Variants in LYPD6 observed in about 807,000 individuals in gnomAD.
LYPD6 encodes ly6/PLAUR domain-containing protein 6.
Under a neutral mutation model 22.7 loss-of-function variants are expected in LYPD6, and 15 were observed. The observed-to-expected ratio is 0.66, with a 90% CI of 0.44 to 1.02. The LOEUF (loss-of-function observed/expected upper bound fraction) is 1.02, where lower values mean the gene tolerates loss of function less well. Ranked by LOEUF, LYPD6 falls within the 50% of genes least tolerant of loss-of-function variation. LYPD6 has a pLI of 0.00. For missense variants in LYPD6, 189 were observed against 208.4 expected (o/e 0.91, Z 0.57); for synonymous variants, 72 against 77.5 (o/e 0.93, Z 0.37).
chr2:149,360,168 T>G (rs1573740466), intron 1 of LYPD6, among the ~76,000 whole-genome samples: 1 of 152,300 alleles, frequency 6.6e-6, no homozygotes, highest in South Asian at 2.1e-4. Flanking sequence ...TGCTAATACA[T>G]TATAATTAGT....
chr2:149,381,414 T>C (rs554270946), intron 1 of LYPD6, among the ~76,000 whole-genome samples: 1 of 152,206 alleles, frequency 6.6e-6, no homozygotes, highest in Admixed American at 6.5e-5. Flanking sequence ...GTTTTAGGAA[T>C]ATAGTTCATC....
At chr2:149,436,776 T>C (rs2105149015) in intron 1 of LYPD6, among the ~76,000 whole-genome samples, 1 of 152,284 alleles carries the variant, frequency 6.6e-6, no homozygotes, top group South Asian at 2.1e-4. Context: ...AGAGACAGGG[T>C]TTCACTGTAT....
chr2:149,337,716 A>G (rs1681066391), intron 1 of LYPD6, among the ~76,000 whole-genome samples: 1 of 152,184 alleles, frequency 6.6e-6, no homozygotes, highest in South Asian at 2.1e-4. Flanking sequence ...GATTTGGTGT[A>G]CAGATTATTT....
At chr2:149,388,188 T>C (rs901295850) in intron 1 of LYPD6, among the ~76,000 whole-genome samples, 1 of 151,860 alleles carries the variant, frequency 6.6e-6, no homozygotes, top group African/African-American at 2.4e-5. Flanking sequence ...CTCTTTTTTT[T>C]TTTTTTGGTC....
intron 1 of LYPD6, among the ~76,000 whole-genome samples, chr2:149,361,895 G>T (rs1681577424): frequency 6.6e-6 from 1 of 152,092 alleles, no homozygotes; most frequent in South Asian, 2.1e-4. Context: ...GAGGGTTGGG[G>T]CAGAGAAGAT....
chr2:149,396,198 G>T (rs1391401404), intron 1 of LYPD6, among the ~76,000 whole-genome samples: 1 of 151,848 alleles, frequency 6.6e-6, no homozygotes, highest in Non-Finnish European at 1.5e-5. Flanking sequence ...AAGTTATATA[G>T]AACTCTCTGT....
chr2:149,366,709 T>C (rs1681675907), intron 1 of LYPD6, among the ~76,000 whole-genome samples: 4 of 152,214 alleles, frequency 2.6e-5, no homozygotes, highest in Non-Finnish European at 5.9e-5. Context: ...AAATCATTTA[T>C]CAGGGCTCAT....
intron 3 of LYPD6, among the ~76,000 whole-genome samples, chr2:149,449,552 G>T (rs1197217969): frequency 6.6e-6 from 1 of 152,180 alleles, no homozygotes; most frequent in Admixed American, 6.5e-5. Flanking sequence ...AGACTTTCAT[G>T]CAGTCTCTAG....
chr2:149,416,095 G>A (rs1682956501), intron 1 of LYPD6, among the ~76,000 whole-genome samples: 1 of 152,170 alleles, frequency 6.6e-6, no homozygotes, highest in Non-Finnish European at 1.5e-5. Context: ...GTGCCTCCGT[G>A]ACTTCCATGG....
intron 3 of LYPD6, among the ~76,000 whole-genome samples, chr2:149,460,699 C>T (rs1390871091): frequency 6.6e-6 from 1 of 152,100 alleles, no homozygotes; most frequent in Non-Finnish European, 1.5e-5. Context: ...TTTCAAGTGA[C>T]CATGGAACAC....
At chr2:149,469,307 G>A (rs1042638730) in intron 4 of LYPD6, among the ~76,000 whole-genome samples, 3 of 152,206 alleles carry the variant, frequency 2.0e-5, no homozygotes, top group Non-Finnish European at 2.9e-5. Flanking sequence ...GCCTGTATAC[G>A]GAAACACATG....
intron 1 of LYPD6, among the ~76,000 whole-genome samples, chr2:149,436,982 G>C (rs1489503029): frequency 1.3e-5 from 2 of 152,240 alleles, no homozygotes; most frequent in East Asian, 3.8e-4. Context: ...GTTAGAGTCA[G>C]ATCTGCTACT....
intron 1 of LYPD6, among the ~76,000 whole-genome samples, chr2:149,376,322 A>C (rs1681920633): frequency 6.6e-6 from 1 of 152,190 alleles, no homozygotes; most frequent in Non-Finnish European, 1.5e-5. Context: ...TATGCCCTGC[A>C]TTTCATCTGA....
chr2:149,441,882 C>T (rs1683575440), intron 2 of LYPD6, among the ~76,000 whole-genome samples: 1 of 152,104 alleles, frequency 6.6e-6, no homozygotes, highest in Admixed American at 6.6e-5. Flanking sequence ...TCCAATTTTC[C>T]TCTGGTTGCA....
At chr2:149,427,346 G>A (rs1573799057) in intron 1 of LYPD6, among the ~76,000 whole-genome samples, 1 of 152,268 alleles carries the variant, frequency 6.6e-6, no homozygotes, top group African/African-American at 2.4e-5. Flanking sequence ...AACATAAGAA[G>A]AGTTTAATGA....
intron 3 of LYPD6, among the ~76,000 whole-genome samples, chr2:149,449,390 C>T (rs572011540): frequency 1.3e-5 from 2 of 152,324 alleles, no homozygotes; most frequent in South Asian, 2.1e-4. Context: ...GTGATACCTT[C>T]GCCTGTACCC....
chr2:149,392,564 G>A (rs1270325930), intron 1 of LYPD6, among the ~76,000 whole-genome samples: 2 of 152,228 alleles, frequency 1.3e-5, no homozygotes, highest in Non-Finnish European at 2.9e-5. Flanking sequence ...ACGGATGGGA[G>A]AGAGTGTTGT....
intron 1 of LYPD6, among the ~76,000 whole-genome samples, chr2:149,410,899 T>C (rs975098211): frequency 6.6e-6 from 1 of 152,228 alleles, no homozygotes; most frequent in South Asian, 2.1e-4. Flanking sequence ...ATTTAGATCA[T>C]AGGAAAGTTA....
chr2:149,358,973 T>C (rs1441727379), intron 1 of LYPD6, among the ~76,000 whole-genome samples: 1 of 152,202 alleles, frequency 6.6e-6, no homozygotes, highest in Non-Finnish European at 1.5e-5. Context: ...AAGTACTATC[T>C]CAATTTATTA....
Sources: allele counts gnomAD v4.1 joint callset (sites outside exome capture counted in the v4.1 genomes callset), GRCh38; gene constraint gnomAD v4.1.1; transcripts MANE v1.5; gene names NCBI Gene and HGNC (gene_info 2026-07-23, HGNC 2026-07-21).